PRMT8: variants seen among roughly 807,000 people sequenced by gnomAD.
PRMT8 encodes the protein protein arginine methyltransferase 8.
PRMT8 carries 7 observed loss-of-function variants against 47.1 expected under a neutral mutation model. The ratio of observed to expected loss-of-function variants is 0.15; its 90% CI spans 0.08 to 0.28. PRMT8 has a LOEUF of 0.28. Among genes scored for constraint, PRMT8 ranks in the 10% least tolerant of loss-of-function variants. PRMT8 has a pLI of 1.00. For synonymous variants in PRMT8, 188 were observed against 186.5 expected (o/e 1.01, Z -0.07); for missense variants, 237 against 505.4 (o/e 0.47, Z 5.09).
rs535630130 is a variant in PRMT8 at position 3,543,014 on chromosome 12, AT to A, written c.261+2224del. Among the ~76,000 whole-genome samples, 14 of 152,356 alleles carry A rather than the reference AT, an allele frequency of 9.2e-5. No individual in the cohort carries two copies. The South Asian group carries it at 2.7e-3, about 29-fold the overall frequency. On this transcript the variant is annotated intron_variant, in intron 2 of 9. Coordinates refer to ENST00000382622, the MANE Select transcript of PRMT8 (RefSeq NM_019854.5). Reference sequence around the variant, plus strand: ...CAGTTTCCCTCAATTGTGTGTACTTATGGAAAAGTCAAGCTTGTGCATACGT... The same window carrying A: ...CAGTTTCCCTCAATTGTGTGTACTTAGGAAAAGTCAAGCTTGTGCATACGT...
intron 1 of PRMT8, among the ~76,000 whole-genome samples, chr12:3,519,973 A>C (rs924954359): frequency 6.6e-6 from 1 of 152,244 alleles, no homozygotes; most frequent in Non-Finnish European, 1.5e-5. Flanking sequence ...TAAAAACCCA[A>C]TACAGGCGAA....
At chr12:3,534,564 C>T (rs1303729017) in intron 1 of PRMT8, among the ~76,000 whole-genome samples, 2 of 152,196 alleles carry the variant, frequency 1.3e-5, no homozygotes, top group African/African-American at 4.8e-5. Context: ...TTCTGTGGGC[C>T]TCAGTCTCTC....
chr12:3,426,008 G>T (rs532091080), intron 1 of PRMT8, among the ~76,000 whole-genome samples: 1 of 152,246 alleles, frequency 6.6e-6, no homozygotes, highest in Non-Finnish European at 1.5e-5. Flanking sequence ...GTTGGGAGAC[G>T]GAAGCTGGAT....
chr12:3,512,950 C>T (rs910720538), intron 1 of PRMT8, among the ~76,000 whole-genome samples: 7 of 152,114 alleles, frequency 4.6e-5, no homozygotes, highest in African/African-American at 1.7e-4. Context: ...CACTTTAGAA[C>T]GAGGTTTGTG....
intron 1 of PRMT8, among the ~76,000 whole-genome samples, chr12:3,526,273 A>G (rs1865948851): frequency 6.6e-6 from 1 of 152,186 alleles, no homozygotes; most frequent in Admixed American, 6.5e-5. Flanking sequence ...ATCAATGGAC[A>G]CTTGGTTTGC....
At chr12:3,577,074 G>A (rs1866959060) in intron 7 of PRMT8, 88 bp downstream of exon 7, 2 of 1,114,992 alleles carry the variant, frequency 1.8e-6, no homozygotes, top group South Asian at 2.7e-5. Flanking sequence ...CTCCTGCACA[G>A]CCCCCACCTG....
chr12:3,381,774 T>C (rs531564381), intron 1 of PRMT8, among the ~76,000 whole-genome samples: 2 of 152,314 alleles, frequency 1.3e-5, no homozygotes, highest in East Asian at 3.9e-4. Flanking sequence ...CACAATATTG[T>C]AACCTGGAAA....
At chr12:3,401,338 G>A (rs1351228807) in intron 1 of PRMT8, among the ~76,000 whole-genome samples, 1 of 151,766 alleles carries the variant, frequency 6.6e-6, no homozygotes, top group Non-Finnish European at 1.5e-5. Flanking sequence ...AATAATAAGA[G>A]CCATGTATGA....
At chr12:3,465,223 ATAT>A (rs1350650480) in intron 1 of PRMT8, among the ~76,000 whole-genome samples, 6 of 143,788 alleles carry the variant, frequency 4.2e-5, no homozygotes, top group Non-Finnish European at 9.1e-5. Context: ...TATTTTATAA[ATAT>A]AAAATATATA....
chr12:3,558,948 G>GGCTATCTA (rs1276847106), intron 4 of PRMT8, among the ~76,000 whole-genome samples: 2 of 112,638 alleles, frequency 1.8e-5, no homozygotes, highest in African/African-American at 8.3e-5. Flanking sequence ...ACATTTATCT[G>GGCTATCTA]TCTATCTATC....
Position 3,491,313 on chromosome 12 carries a change from G to A in PRMT8, c.-313G>A, listed in dbSNP as rs942255023. ...CCGCGACCGCCGCCGCCGCCGCCGC[G>A]GAGGCTTCGGGGCTGCTTCCCTCGA... is the stretch of plus-strand genomic sequence containing the variant. On this transcript the variant is annotated 5_prime_UTR_variant, in exon 1 of 10. Transcript: ENST00000382622. The A allele has an allele frequency of 8.4e-6, 9 of 1,070,140 alleles. No homozygotes were observed. Among genetic ancestry groups the A allele is most frequent in the Admixed American group, 5.3e-5 (1 of 19,024 alleles). 66.3% of individuals were successfully genotyped at this position (1,070,140 alleles called of 1,614,324 possible).
intron 1 of PRMT8, among the ~76,000 whole-genome samples, chr12:3,411,781 C>T (rs1211112794): frequency 6.6e-6 from 1 of 152,232 alleles, no homozygotes; most frequent in Non-Finnish European, 1.5e-5. Flanking sequence ...CTTGCCCTCT[C>T]ACCATGCTGT....
intron 1 of PRMT8, among the ~76,000 whole-genome samples, chr12:3,427,652 AC>A (rs1200231036): frequency 6.6e-6 from 1 of 152,102 alleles, no homozygotes; most frequent in African/African-American, 2.4e-5. Context: ...AAATTATATA[AC>A]ATTTCTTGCA....
At chr12:3,568,450 C>T (rs868178461) in intron 4 of PRMT8, among the ~76,000 whole-genome samples, 43 of 152,180 alleles carry the variant, frequency 2.8e-4, no homozygotes, top group African/African-American at 4.6e-4. Flanking sequence ...GGAAGGATGA[C>T]GTGATACCAC....
chr12:3,564,762 C>T lies in PRMT8; in HGVS notation c.482-3944C>T, dbSNP rs1398542823. ...TGGAGCTCTGCAGCCTACGGCTGCT[C>T]GGAATCTTAATATCAATAGCTTAGA... On this transcript the variant is annotated intron_variant, in intron 4 of 9. Coordinates refer to ENST00000382622, the MANE Select transcript of PRMT8 (RefSeq NM_019854.5). This position sits in a 1 kb window ranked among gnomAD's most constrained non-coding sequence, Gnocchi z 4.0. 4.6e-5 allele frequency among the ~76,000 whole-genome samples: 7 copies of T among 152,180 alleles called. 1 individual carries two copies. Among genetic ancestry groups the T allele is most frequent in the East Asian group, 1.9e-4 (1 of 5,196 alleles).
At chr12:3,475,735 A>G (rs115414252) in intron 1 of PRMT8, among the ~76,000 whole-genome samples, 1 of 131,432 alleles carries the variant, frequency 7.6e-6, no homozygotes, top group African/African-American at 2.8e-5. Context: ...CCCTTCCAGT[A>G]CCGTGGGGTG....
chr12:3,454,603 G>C (rs1308385044), intron 1 of PRMT8, among the ~76,000 whole-genome samples: 1 of 152,066 alleles, frequency 6.6e-6, no homozygotes, highest in African/African-American at 2.4e-5. Context: ...TCTCAAGCGG[G>C]AGACCAAGTT....
At chr12:3,505,114 T>G (rs1040759616) in intron 1 of PRMT8, among the ~76,000 whole-genome samples, 29 of 147,068 alleles carry the variant, frequency 2.0e-4, no homozygotes, top group African/African-American at 6.6e-4. Flanking sequence ...CACTCCCTAG[T>G]GAGATGAACC....
chr12:3,469,294 TA>T, intron 1 of PRMT8: 1 of 439,736 alleles, frequency 2.3e-6, no homozygotes, highest in Non-Finnish European at 4.5e-6. Context: ...AAAGCCCATG[TA>T]AGGAGCTGAG....
Sources: allele counts gnomAD v4.1 joint callset (sites outside exome capture counted in the v4.1 genomes callset), GRCh38; gene constraint gnomAD v4.1.1; non-coding constraint Gnocchi (gnomAD v3.1); transcripts MANE v1.5; gene names NCBI Gene and HGNC (gene_info 2026-07-23, HGNC 2026-07-21).